The following DRG1 variants were observed in gnomAD, a reference collection of about 807,000 sequenced individuals.
DRG1 encodes the protein developmentally-regulated GTP-binding protein 1.
Under a neutral mutation model 38.8 loss-of-function variants are expected in DRG1, and 19 were observed. The observed-to-expected ratio is 0.49, with a 90% CI of 0.34 to 0.72. The LOEUF is 0.72. Ranked by LOEUF, DRG1 falls within the 30% of genes least tolerant of loss-of-function variation. The pLI is 0.01. For synonymous variants in DRG1, 167 were observed against 157.5 expected (o/e 1.06, Z -0.45); for missense variants, 299 against 444.8 (o/e 0.67, Z 2.95).
chr22:31,416,707 A>G (rs1054904759), intron 4 of DRG1, among the ~76,000 whole-genome samples: 1 of 152,124 alleles, frequency 6.6e-6, no homozygotes, highest in African/African-American at 2.4e-5. Context: ...GATCGAGACC[A>G]TCCTGGCCAA....
At chr22:31,400,892 C>T (rs990349172) in intron 2 of DRG1, 149 bp downstream of exon 2, 46 of 898,308 alleles carry the variant, frequency 5.1e-5, no homozygotes, top group Non-Finnish European at 6.2e-5. Flanking sequence ...ATAGGAGGAT[C>T]ACTTGAGGCC....
At chr22:31,428,583 C>T (rs2050123569) in intron 8 of DRG1, among the ~76,000 whole-genome samples, 1 of 152,184 alleles carries the variant, frequency 6.6e-6, no homozygotes, top group Non-Finnish European at 1.5e-5. Flanking sequence ...TTATCAAAAA[C>T]AGGAAATAAG....
intron 4 of DRG1, among the ~76,000 whole-genome samples, chr22:31,413,773 C>T (rs1166282677): frequency 1.3e-5 from 2 of 151,966 alleles, no homozygotes; most frequent in Non-Finnish European, 2.9e-5. Context: ...GCCACCACGC[C>T]TGGCTAAGTT....
chr22:31,430,750 T>C (rs2145872570), intron 8 of DRG1, among the ~76,000 whole-genome samples: 1 of 151,864 alleles, frequency 6.6e-6, no homozygotes, highest in East Asian at 1.9e-4. Flanking sequence ...TGAGACAGGT[T>C]CTCTGTCTCC....
Position 31,423,421 on chromosome 22 carries a change from AGT to A in DRG1, c.713+15_713+16del, listed in dbSNP as rs749334341. ...GGTGGAAGGAAACAGGTACTGACTG[AGT>A]GTGCAGTCTGTGCCTGACTGAATTG... On this transcript the variant is annotated intron_variant, in intron 6 of 8. Coordinates refer to ENST00000331457, the MANE Select transcript of DRG1 (RefSeq NM_004147.4). 14 of 1,596,572 alleles carry A rather than the reference AGT, an allele frequency of 8.8e-6. 1 individual carries two copies. In the South Asian group the frequency reaches 1.4e-4, roughly 16 times the overall value.
At chr22:31,417,646 C>T (rs1006262243) in intron 4 of DRG1, among the ~76,000 whole-genome samples, 1 of 150,892 alleles carries the variant, frequency 6.6e-6, no homozygotes, top group Non-Finnish European at 1.5e-5. Context: ...CGCCATTGCA[C>T]TCCAGCCTGC....
At chr22:31,423,521 GT>G (rs1463886629) in intron 6 of DRG1, 111 bp downstream of exon 6, 2 of 663,800 alleles carry the variant, frequency 3.0e-6, no homozygotes, top group East Asian at 7.6e-5. Context: ...TTGTCCTACT[GT>G]CTTTTTTTTT....
chr22:31,399,727 T>A lies in DRG1; in HGVS notation c.42+2T>A. The A allele has an allele frequency of 6.2e-7, 1 of 1,613,838 alleles. No individual in the cohort carries two copies. The highest frequency in any genetic ancestry group is 8.5e-7 in the Non-Finnish European group (1 of 1,179,832). ...AAGATCGCGGAGATAGAAGCAGAGG[T>A]AATGGACGCAGCTGGCGGTTCACTC... is the stretch of plus-strand genomic sequence containing the variant. On this transcript the variant is annotated splice_donor_variant, in intron 1 of 8. Transcript: ENST00000331457. LOFTEE classifies it high-confidence loss of function.
In DRG1 at chr22:31,403,364, G is replaced by A. The variant is rs73160609; in HGVS notation, c.342+160G>A. ...CAGTACGATAATAAAATGGGATAGCGCATGTGAAAATGCAGAGAAAGGGCC... is the reference window on the plus strand; with the variant it reads ...CAGTACGATAATAAAATGGGATAGCACATGTGAAAATGCAGAGAAAGGGCC... On this transcript the variant is annotated intron_variant, in intron 3 of 8. Transcript: ENST00000331457. Among the ~76,000 whole-genome samples the A allele has an allele frequency of 6.4e-3, 974 of 152,222 alleles. 5 individuals are homozygous for A. The highest frequency in any genetic ancestry group is 0.01 in the Non-Finnish European group (707 of 68,016).
intron 3 of DRG1, among the ~76,000 whole-genome samples, chr22:31,409,301 T>C (rs1316639215): frequency 6.6e-6 from 1 of 152,072 alleles, no homozygotes; most frequent in Admixed American, 6.6e-5. Flanking sequence ...GCTAGGATGG[T>C]CTCGAACTCC....
At chr22:31,417,696 T>G (rs1309690644) in intron 4 of DRG1, among the ~76,000 whole-genome samples, 1 of 150,324 alleles carries the variant, frequency 6.7e-6, no homozygotes, top group Admixed American at 6.7e-5. Context: ...ATAAAATAAA[T>G]AAAATAAAAT....
intron 5 of DRG1, chr22:31,421,312 G>A (rs906723093): frequency 5.7e-5 from 8 of 140,846 alleles, no homozygotes; most frequent in African/African-American, 2.2e-4. Flanking sequence ...TGGTAGAAAC[G>A]GAGATTTGCC....
chr22:31,413,619 T>TG (rs1555898471), intron 4 of DRG1, among the ~76,000 whole-genome samples: 1 of 139,394 alleles, frequency 7.2e-6, no homozygotes, highest in African/African-American at 2.7e-5. Flanking sequence ...GTTTTTTTTT[T>TG]TTTTTTTTTT....
intron 4 of DRG1, among the ~76,000 whole-genome samples, chr22:31,412,513 G>C (rs2050023557): frequency 6.6e-6 from 1 of 150,898 alleles, no homozygotes; most frequent in African/African-American, 2.4e-5. Context: ...ACCATGCACG[G>C]CTATTTTTTG....
chr22:31,426,881 G>A, intron 7 of DRG1, 99 bp downstream of exon 7: 1 of 1,513,178 alleles, frequency 6.6e-7, no homozygotes, highest in Non-Finnish European at 8.9e-7. Flanking sequence ...GGCTCTTTTT[G>A]AAAATATAAG....
At chr22:31,432,795 G>A (rs1452980231) in intron 8 of DRG1, among the ~76,000 whole-genome samples, 2 of 151,644 alleles carry the variant, frequency 1.3e-5, no homozygotes, top group Non-Finnish European at 2.9e-5. Flanking sequence ...TCCTGACCTC[G>A]TGATCCGCCC....
At chr22:31,423,523 CTTTT>C (rs1229925627) in intron 6 of DRG1, 113 bp downstream of exon 6, 6,039 of 472,100 alleles carry the variant, frequency 0.013, no homozygotes, top group East Asian at 0.026. Context: ...GTCCTACTGT[CTTTT>C]TTTTTTTTTT....
At chr22:31,414,786 T>C (rs971346791) in intron 4 of DRG1, among the ~76,000 whole-genome samples, 13 of 149,182 alleles carry the variant, frequency 8.7e-5, no homozygotes, top group Non-Finnish European at 1.2e-4. Context: ...TTTTCTTTTT[T>C]TTTTTTTTTT....
At position 31,411,147 on chromosome 22, in the gene DRG1, G is replaced by C. The variant is rs2050016040; in HGVS notation, c.412+66G>C. The C allele has an allele frequency of 2.6e-6, 4 of 1,545,486 alleles. No homozygotes were observed. In the South Asian group the frequency reaches 4.5e-5, roughly 17 times the overall value. Reference sequence around the variant, plus strand: ...TTCTCTGGTACTATTCTTTTAGTCAGGGACTACTTGGCTTGGAGATTATAC... The same window carrying C: ...TTCTCTGGTACTATTCTTTTAGTCACGGACTACTTGGCTTGGAGATTATAC... On this transcript the variant is annotated intron_variant, in intron 4 of 8. Transcript: ENST00000331457.
Sources: allele counts gnomAD v4.1 joint callset (sites outside exome capture counted in the v4.1 genomes callset), GRCh38; gene constraint gnomAD v4.1.1; transcripts MANE v1.5; gene names NCBI Gene and HGNC (gene_info 2026-07-23, HGNC 2026-07-21).